Variants in SLC19A1 observed in about 807,000 individuals in gnomAD.
The protein encoded by SLC19A1 is solute carrier family 19 member 1.
In SLC19A1, 37 loss-of-function variants were observed where a neutral mutation model predicts 35.3. That is an observed-to-expected ratio of 1.05 (90% CI 0.81 to 1.38). The LOEUF is 1.38. Ranked by LOEUF, SLC19A1 falls within the 40% of genes most tolerant of loss-of-function variation. The pLI is 0.00. For synonymous variants in SLC19A1, 460 were observed against 398.5 expected (o/e 1.15, Z -1.84); for missense variants, 831 against 826.9 (o/e 1.00, Z -0.06).
chr21:45,536,155 C>T (rs937936279), intron 2 of SLC19A1: 5 of 159,990 alleles, frequency 3.1e-5, no homozygotes, highest in South Asian at 2.0e-4. Flanking sequence ...AGAGCACCTG[C>T]ACCCATCGTC....
chr21:45,547,358 A>C (rs1372251563), upstream of SLC19A1, among the ~76,000 whole-genome samples: 4 of 152,148 alleles, frequency 2.6e-5, no homozygotes, highest in Middle Eastern at 3.2e-3. Flanking sequence ...TAACCTGAAA[A>C]ACTGGTTCAG....
chr21:45,512,218 C>G, downstream of SLC19A1: 2 of 1,612,392 alleles, frequency 1.2e-6, no homozygotes, highest in East Asian at 2.2e-5. Context: ...ATGGCTCGGA[C>G]CCCAACGGGC....
rs1267490171 is a variant in SLC19A1 at position 45,504,161 on chromosome 21, A to T, written c.498-5549T>A. 34 of 1,308,600 alleles carry T rather than the reference A, an allele frequency of 2.6e-5. No homozygotes were observed. In the East Asian group the frequency reaches 7.2e-4, roughly 28 times the overall value. 81.1% of individuals were successfully genotyped at this position (1,308,600 alleles called of 1,614,324 possible). Reference sequence around the variant, plus strand: ...TCCGGCCCAAGCCCCCTTCCTGTTCAGCCCTGCGAGGGGCGCTGGCTCCAG... The same window carrying T: ...TCCGGCCCAAGCCCCCTTCCTGTTCTGCCCTGCGAGGGGCGCTGGCTCCAG... On this transcript the variant is annotated intron_variant, in intron 3 of 4. Transcript: ENST00000417954.
chr21:45,507,346 G>T, intron 3 of SLC19A1: 1 of 621,318 alleles, frequency 1.6e-6, no homozygotes, highest in East Asian at 2.8e-5. Flanking sequence ...GTGCTGGGCA[G>T]GGAGGGCACC....
rs1274876158 is a variant in SLC19A1 at position 45,517,359 on chromosome 21, AC to A, written c.1294-1220del. ...GGCTCCACCCACCATGTCAGCAAGGACCCCCCACCCTCGCCAGCCTGTAACA... is the reference window on the plus strand; with the variant it reads ...GGCTCCACCCACCATGTCAGCAAGGACCCCCACCCTCGCCAGCCTGTAACA... On this transcript the variant is annotated intron_variant, in intron 5 of 5. Coordinates refer to ENST00000311124, the MANE Select transcript of SLC19A1 (RefSeq NM_194255.4). The surrounding 1 kb of genome is among the most constrained non-coding windows in gnomAD (Gnocchi z 4.4). Among the ~76,000 whole-genome samples the A allele has an allele frequency of 2.0e-5, 3 of 150,760 alleles. No individual in the cohort carries two copies. Among genetic ancestry groups the A allele is most frequent in the Non-Finnish European group, 3.0e-5 (2 of 67,644 alleles).
At chr21:45,555,170 G>GCGGGGGGCGGCGCGGGGGGCGC (rs1191641555) in intron 1 of SLC19A1, among the ~76,000 whole-genome samples, 1 of 76,062 alleles carries the variant, frequency 1.3e-5, no homozygotes, top group Non-Finnish European at 2.5e-5. Context: ...CGGGGGCGGC[G>GCGGGGGGCGGCGCGGGGGGCGC]CAGGGGGCGG....
rs751655507 is a variant in SLC19A1 at position 45,504,008 on chromosome 21, C to G, written c.498-5396G>C. 3 of 1,613,644 alleles carry G rather than the reference C, an allele frequency of 1.9e-6. No homozygotes were observed. In the South Asian group the frequency reaches 3.3e-5, roughly 18 times the overall value. ...CGAGACCCCGCCTGTCTCTCTCTTG[C>G]AGGGCAGTTTCCGTTTGACTTTCTT... On this transcript the variant is annotated intron_variant, in intron 3 of 4. Transcript: ENST00000417954.
downstream of SLC19A1, chr21:45,507,660 T>C (rs1050455930): frequency 2.7e-5 from 40 of 1,458,652 alleles, no homozygotes; most frequent in Non-Finnish European, 3.8e-5. Context: ...TGCTGTCCCC[T>C]GTTTGAGGAA....
rs1041839522 is a variant in SLC19A1 at position 45,517,334 on chromosome 21, G to A, written c.1294-1194C>T. ...CTGCTCCCCGCAAACACCAGACCTC[G>A]GCTCCACCCACCATGTCAGCAAGGA... On this transcript the variant is annotated intron_variant, in intron 5 of 5. Coordinates refer to ENST00000311124, the MANE Select transcript of SLC19A1 (RefSeq NM_194255.4). The surrounding 1 kb of genome is among the most constrained non-coding windows in gnomAD (Gnocchi z 4.4). Among the ~76,000 whole-genome samples the A allele has an allele frequency of 2.0e-5, 3 of 151,940 alleles. No individual in the cohort carries two copies. Among genetic ancestry groups the A allele is most frequent in the South Asian group, 2.1e-4 (1 of 4,822 alleles).
chr21:45,508,611 G>C (rs2037392554), downstream of SLC19A1, among the ~76,000 whole-genome samples: 1 of 152,092 alleles, frequency 6.6e-6, no homozygotes, highest in African/African-American at 2.4e-5. Context: ...TAGAGGTCAT[G>C]ATTCCTTAAT....
upstream of SLC19A1, among the ~76,000 whole-genome samples, chr21:45,548,614 G>A (rs2078435968): frequency 6.6e-6 from 1 of 152,018 alleles, no homozygotes; most frequent in South Asian, 2.1e-4. Context: ...TGTGGTGGCG[G>A]GTGCCTGTAG....
rs2037828060 is a variant in SLC19A1, at chr21:45,515,138, A to G, written c.*520T>C. ...TTTTCCACAGAGACAGAGAAGCCAC[A>G]TGCAGTTCTTCATTCTACGTCAGTT... On this transcript the variant is annotated 3_prime_UTR_variant, in exon 6 of 6. Coordinates refer to ENST00000311124, the MANE Select transcript of SLC19A1 (RefSeq NM_194255.4). The G allele has an allele frequency of 3.9e-6, 6 of 1,537,218 alleles. No individual in the cohort carries two copies. Among genetic ancestry groups the G allele is most frequent in the Admixed American group, 2.1e-5 (1 of 47,026 alleles).
Position 45,530,647 on chromosome 21 carries a change from G to T in SLC19A1, c.1151+123C>A. On this transcript the variant is annotated intron_variant, in intron 4 of 5. Transcript: ENST00000311124. This position sits in a 1 kb window ranked among gnomAD's most constrained non-coding sequence, Gnocchi z 5.3. ...TGGGGACCCTGGTCAGCTCCAGGTGGCTGGCGGGGCCAGCAGTGGCACAGC... is the reference window on the plus strand; with the variant it reads ...TGGGGACCCTGGTCAGCTCCAGGTGTCTGGCGGGGCCAGCAGTGGCACAGC... 9.8e-7 allele frequency: 1 copy of T among 1,020,360 alleles called. No individual in the cohort carries two copies. Among genetic ancestry groups the T allele is most frequent in the Non-Finnish European group, 1.4e-6 (1 of 705,014 alleles). The allele number at this position is 1,020,360 out of a possible 1,614,324, so 63.2% of individuals were successfully genotyped here.
chr21:45,512,296 C>T, downstream of SLC19A1: 2 of 1,612,302 alleles, frequency 1.2e-6, no homozygotes, highest in Non-Finnish European at 1.7e-6. Flanking sequence ...GCCAGGCCTC[C>T]TCGCTGCTGG....
intron 4 of SLC19A1, 33 bp from the exon 5 acceptor site, chr21:45,525,991 CTGGG>C: frequency 6.2e-7 from 1 of 1,605,076 alleles, no homozygotes; most frequent in Non-Finnish European, 8.5e-7. Context: ...TCAGGCGCTG[CTGGG>C]AGAATAAGCA....
downstream of SLC19A1, among the ~76,000 whole-genome samples, chr21:45,508,586 C>T (rs900567544): frequency 6.6e-6 from 1 of 151,864 alleles, no homozygotes; most frequent in Non-Finnish European, 1.5e-5. Context: ...CAGCTGCTGT[C>T]GGCCCCTCCT....
chr21:45,518,893 A>G (rs2077354263), intron 5 of SLC19A1, among the ~76,000 whole-genome samples: 1 of 152,218 alleles, frequency 6.6e-6, no homozygotes, highest in Non-Finnish European at 1.5e-5. Flanking sequence ...TCTAAACAGA[A>G]AGGAAATTAC....
Position 45,526,104 on chromosome 21 carries a change from C to A in SLC19A1, c.1152-146G>T, listed in dbSNP as rs75503899. Reference sequence around the variant, plus strand: ...GCACGCACAAGCCCCCCACCAGGCCCCCATCTCTCCCACACATGCCCGCCC... The same window carrying A: ...GCACGCACAAGCCCCCCACCAGGCCACCATCTCTCCCACACATGCCCGCCC... On this transcript the variant is annotated intron_variant, in intron 4 of 5. Transcript: ENST00000311124. The A allele has an allele frequency of 1.3e-3, 1,034 of 802,316 alleles. 4 individuals are homozygous for A. In the African/African-American group the frequency reaches 0.015, roughly 12 times the overall value. The allele number at this position is 802,316 out of a possible 1,614,324, so 49.7% of individuals were successfully genotyped here. A position where few individuals can be genotyped will look rare whatever the true frequency, so the allele number is the denominator to read the frequency against.
chr21:45,515,916 G>A lies in SLC19A1; in HGVS notation c.1518C>T (p.Asp506=), dbSNP rs751749248. 4 of 1,548,620 alleles carry A rather than the reference G, an allele frequency of 2.6e-6. No individual in the cohort carries two copies. The highest frequency in any genetic ancestry group is 3.5e-6 in the Non-Finnish European group (4 of 1,147,118). ...PAQSPPLSPE[D]SLGAVGPASL... The stretch of plus-strand genomic sequence containing the variant: ...AGGCTGGCCCCACAGCCCCCAGGCT[G>A]TCTTCTGGGGAAAGCGGCGGGCTCT... The change falls in exon 6 of 6, where the codon GAC becomes GAT. Residue 506 remains aspartate (D), a synonymous_variant. Coordinates refer to ENST00000311124, the MANE Select transcript of SLC19A1 (RefSeq NM_194255.4).
Sources: allele counts gnomAD v4.1 joint callset (sites outside exome capture counted in the v4.1 genomes callset), GRCh38; gene constraint gnomAD v4.1.1; non-coding constraint Gnocchi (gnomAD v3.1); transcripts MANE v1.5; gene names NCBI Gene and HGNC (gene_info 2026-07-23, HGNC 2026-07-21).